Variants in SERPINF1 observed in about 807,000 individuals in gnomAD.
SERPINF1 encodes pigment epithelium-derived factor.
SERPINF1 carries 29 observed loss-of-function variants against 37.3 expected under a neutral mutation model. That is an observed-to-expected ratio of 0.78 (90% CI 0.58 to 1.06). The LOEUF (loss-of-function observed/expected upper bound fraction) is 1.06, where lower values mean the gene tolerates loss of function less well. SERPINF1 is among the 50% of genes least tolerant of loss of function. The pLI, the probability that SERPINF1 is intolerant of heterozygous loss-of-function variation, is 0.00. For missense variants in SERPINF1, 553 were observed against 532.2 expected (o/e 1.04, Z -0.38); for synonymous variants, 281 against 227.9 (o/e 1.23, Z -2.10).
chr17:1,767,033 C>T (rs765837072), intron 2 of SERPINF1, 39 bp downstream of exon 2: 27 of 1,513,532 alleles, frequency 1.8e-5, no homozygotes, highest in Middle Eastern at 2.1e-4. Context: ...CAGCATTCCC[C>T]GCCCCTCCTT....
At chr17:1,775,648 A>G (rs945883960) in intron 6 of SERPINF1, among the ~76,000 whole-genome samples, 4 of 151,208 alleles carry the variant, frequency 2.6e-5, no homozygotes. Context: ...GGTTAAAGCG[A>G]TTCTCTTGCC....
Position 1,777,305 on chromosome 17 carries a change from C to A in SERPINF1, c.1116C>A (p.Thr372=). 6.2e-7 allele frequency: 1 copy of A among 1,614,154 alleles called. No individual in the cohort carries two copies. Among genetic ancestry groups the A allele is most frequent in the East Asian group, 2.2e-5 (1 of 44,868 alleles). ...FEWNEDGAGT[T]PSPGLQPAHL... is the part of the protein sequence containing the mutation. Reference sequence around the variant, plus strand: ...GGAACGAGGATGGGGCGGGAACCACCCCCAGCCCAGGGCTGCAGCCTGCCC... The same window carrying A: ...GGAACGAGGATGGGGCGGGAACCACACCCAGCCCAGGGCTGCAGCCTGCCC... Residue 372 remains threonine, a synonymous_variant, in exon 8 of 8, where the codon ACC becomes ACA. Coordinates refer to ENST00000254722, the MANE Select transcript of SERPINF1 (RefSeq NM_002615.7).
chr17:1,762,636 C>T (rs1258588697), intron 1 of SERPINF1, among the ~76,000 whole-genome samples: 2 of 152,214 alleles, frequency 1.3e-5, no homozygotes, highest in African/African-American at 4.8e-5. Flanking sequence ...CACCACCAAA[C>T]CGCTGGCCTC....
In SERPINF1 at chr17:1,775,039, G is replaced by A. The variant is rs746918764; in HGVS notation, c.644-19G>A. 1 of 1,614,084 alleles carries A rather than the reference G, an allele frequency of 6.2e-7. No individual in the cohort carries two copies. The highest frequency in any genetic ancestry group is 1.1e-5 in the South Asian group (1 of 91,084). On this transcript the variant is annotated intron_variant, in intron 5 of 7. Coordinates refer to ENST00000254722, the MANE Select transcript of SERPINF1 (RefSeq NM_002615.7). Reference sequence around the variant, plus strand: ...TCTGGTCTCCTGGGGCTCAGACTATGTCATACACTTCTTTCCAGGGCAGTG... The same window carrying A: ...TCTGGTCTCCTGGGGCTCAGACTATATCATACACTTCTTTCCAGGGCAGTG...
intron 5 of SERPINF1, among the ~76,000 whole-genome samples, chr17:1,772,914 G>A (rs545218003): frequency 1.3e-5 from 2 of 152,172 alleles, no homozygotes; most frequent in African/African-American, 4.8e-5. Context: ...TCGAACTCCT[G>A]AGCTGAAGTG....
rs776614519 is a variant in SERPINF1 at position 1,771,117 on chromosome 17, G to C, written c.372G>C (p.Glu124Asp). 2.5e-6 allele frequency: 4 copies of C among 1,614,114 alleles called. No individual in the cohort carries two copies. The highest frequency in any genetic ancestry group is 1.7e-5 in the Admixed American group (1 of 59,992). Residue 124 changes from glutamate to aspartate, a missense_variant, in exon 4 of 8, where the codon GAG becomes GAC. Coordinates refer to ENST00000254722, the MANE Select transcript of SERPINF1 (RefSeq NM_002615.7). ...CAGACATCCATGGTACCTATAAGGA[G>C]CTCCTTGACACGGTCACTGCCCCCC... Reference protein sequence around the residue: ...SSPDIHGTYKELLDTVTAPQK... With the variant: ...SSPDIHGTYKDLLDTVTAPQK...
chr17:1,776,443 C>A, intron 6 of SERPINF1, 89 bp from the exon 7 acceptor site: 1 of 1,188,602 alleles, frequency 8.4e-7, no homozygotes, highest in South Asian at 1.2e-5. Context: ...AGGGCCCCGT[C>A]ACGGGAGAGG....
intron 5 of SERPINF1, among the ~76,000 whole-genome samples, chr17:1,774,824 A>G (rs548704941): frequency 3.3e-5 from 5 of 152,150 alleles, no homozygotes; most frequent in Non-Finnish European, 7.4e-5. Flanking sequence ...AATCAACCAA[A>G]TCAACGTCTT....
chr17:1,772,889 A>C (rs1225429820), intron 5 of SERPINF1, among the ~76,000 whole-genome samples: 1 of 152,018 alleles, frequency 6.6e-6, no homozygotes, highest in Non-Finnish European at 1.5e-5. Context: ...TGTCACTATG[A>C]TGCCGAGGCT....
At chr17:1,765,868 CAAAAA>C (rs531558071) in intron 1 of SERPINF1, among the ~76,000 whole-genome samples, 10,148 of 112,748 alleles carry the variant, frequency 0.09, 1,240 homozygotes, top group African/African-American at 0.29. Flanking sequence ...TCTTGTCTCC[CAAAAA>C]AAAAAAAAAA....
At chr17:1,770,956 T>C in intron 3 of SERPINF1, 73 bp from the exon 4 acceptor site, 1 of 1,584,496 alleles carries the variant, frequency 6.3e-7, no homozygotes, top group Non-Finnish European at 8.7e-7. Flanking sequence ...GTATAGTGTC[T>C]GTGTTCTGGG....
Position 1,777,308 on chromosome 17 carries a change from C to G in SERPINF1, c.1119C>G (p.Pro373=), listed in dbSNP as rs148717983. The part of the protein sequence containing the change: ...EWNEDGAGTT[P]SPGLQPAHLT... The stretch of plus-strand genomic sequence containing the variant: ...ACGAGGATGGGGCGGGAACCACCCC[C>G]AGCCCAGGGCTGCAGCCTGCCCACC... Residue 373 remains proline, a synonymous_variant, in exon 8 of 8, where the codon CCC becomes CCG. Transcript: ENST00000254722. 238 of 1,614,164 alleles carry G rather than the reference C, an allele frequency of 1.5e-4. 1 individual carries two copies. The highest frequency in any genetic ancestry group is 9.9e-4 in the Middle Eastern group (6 of 6,062).
chr17:1,768,206 T>C (rs1437316230), intron 2 of SERPINF1, among the ~76,000 whole-genome samples: 2 of 151,778 alleles, frequency 1.3e-5, no homozygotes, highest in African/African-American at 2.4e-5. Flanking sequence ...CGGAGGTGGG[T>C]GGATCACGAG....
intron 1 of SERPINF1, among the ~76,000 whole-genome samples, chr17:1,764,845 CTTTTT>C (rs11483374): frequency 2.3e-5 from 3 of 132,166 alleles, no homozygotes; most frequent in Non-Finnish European, 4.7e-5. Context: ...TTTTTTTTTC[CTTTTT>C]TTTTTTTTTT....
At position 1,777,551 on chromosome 17, in the gene SERPINF1, G is replaced by C; in HGVS notation, c.*105G>C. 1 of 1,399,028 alleles carries C rather than the reference G, an allele frequency of 7.1e-7. No individual in the cohort carries two copies. The highest frequency in any genetic ancestry group is 1.0e-6 in the Non-Finnish European group (1 of 993,362). 86.7% of individuals were successfully genotyped at this position (1,399,028 alleles called of 1,614,324 possible). A position where few individuals can be genotyped will look rare whatever the true frequency, so the allele number is the denominator to read the frequency against. Reference sequence around the variant, plus strand: ...TAAGGTTTCAATGCATACAATAAAAGAGCTTTATCCCTAACTTCTGTTACT... The same window carrying C: ...TAAGGTTTCAATGCATACAATAAAACAGCTTTATCCCTAACTTCTGTTACT... On this transcript the variant is annotated 3_prime_UTR_variant, in exon 8 of 8. Transcript: ENST00000254722.
chr17:1,770,698 G>A (rs559916990), intron 3 of SERPINF1: 20 of 341,446 alleles, frequency 5.9e-5, no homozygotes, highest in Middle Eastern at 1.1e-3. Flanking sequence ...GGGCTCAAGC[G>A]ATCCACCCGC....
intron 6 of SERPINF1, among the ~76,000 whole-genome samples, chr17:1,776,149 C>T (rs1038488129): frequency 6.6e-6 from 1 of 152,020 alleles, no homozygotes; most frequent in African/African-American, 2.4e-5. Flanking sequence ...TATTCCTATC[C>T]CCGGTTCTCC....
At chr17:1,768,602 T>C (rs1171998499) in intron 2 of SERPINF1, among the ~76,000 whole-genome samples, 2 of 151,298 alleles carry the variant, frequency 1.3e-5, no homozygotes, top group South Asian at 2.1e-4. Context: ...GCCTCCCAAA[T>C]AGCTGGGACC....
intron 3 of SERPINF1, chr17:1,770,815 CCTCA>C: frequency 1.7e-6 from 1 of 579,288 alleles, no homozygotes; most frequent in Non-Finnish European, 3.2e-6. Context: ...CCTCTCACTC[CCTCA>C]CTCCCACCTT....
Sources: allele counts gnomAD v4.1 joint callset (sites outside exome capture counted in the v4.1 genomes callset), GRCh38; gene constraint gnomAD v4.1.1; transcripts MANE v1.5; gene names NCBI Gene and HGNC (gene_info 2026-07-23, HGNC 2026-07-21).